Variants in PSAT1 observed in about 807,000 individuals in gnomAD.
The protein encoded by PSAT1 is phosphoserine aminotransferase.
PSAT1 carries 41 observed loss-of-function variants against 40.3 expected under a neutral mutation model. The ratio of observed to expected loss-of-function variants is 1.02; its 90% CI spans 0.79 to 1.32. The LOEUF is 1.32. PSAT1 is among the 40% of genes most tolerant of loss of function. PSAT1 has a pLI of 0.00. For missense variants in PSAT1, 406 were observed against 455.8 expected, an observed-to-expected ratio of 0.89 and a Z score of 0.99; for synonymous variants, 147 against 170.5, an observed-to-expected ratio of 0.86 and a Z score of 1.07.
At chr9:78,320,906 A>G (rs893133262) in intron 7 of PSAT1, among the ~76,000 whole-genome samples, 1 of 152,164 alleles carries the variant, frequency 6.6e-6, no homozygotes, top group Admixed American at 6.5e-5. Flanking sequence ...ATGTGTAGAC[A>G]TGATGTTAGA....
rs1828370083 is a variant in PSAT1, at chr9:78,317,768, T to C, written c.833T>C (p.Ile278Thr). The change falls in exon 7 of 9, where the codon ATT (isoleucine) becomes ACT (threonine). Residue 278 changes from isoleucine (I) to threonine (T), a missense_variant. Transcript: ENST00000376588. Reference sequence around the variant, plus strand: ...CTTAGCTCCATCAAATCTCAAACAATTTATGAGATTATTGATAATTCTCAA... The same window carrying C: ...CTTAGCTCCATCAAATCTCAAACAACTTATGAGATTATTGATAATTCTCAA... ...EKLSSIKSQT[I>T]YEIIDNSQGF... 2 of 1,613,232 alleles carry C rather than the reference T, an allele frequency of 1.2e-6. No homozygotes were observed. Among genetic ancestry groups the C allele is most frequent in the South Asian group, 1.1e-5 (1 of 91,040 alleles).
At position 78,329,468 on chromosome 9, in the gene PSAT1, G is replaced by A; in HGVS notation, c.*382G>A. On this transcript the variant is annotated 3_prime_UTR_variant, in exon 9 of 9. Transcript: ENST00000376588. Reference sequence around the variant, plus strand: ...GCACAGAGGGTAGGGGGGCCCTCTAGGTGCTGAATCTACACATCTGTGGGG... The same window carrying A: ...GCACAGAGGGTAGGGGGGCCCTCTAAGTGCTGAATCTACACATCTGTGGGG... 1 of 268,942 alleles carries A rather than the reference G, an allele frequency of 3.7e-6. No homozygotes were observed. Among genetic ancestry groups the A allele is most frequent in the Non-Finnish European group, 7.2e-6 (1 of 138,058 alleles). The allele number at this position is 268,942 out of a possible 1,614,324, so 16.7% of individuals were successfully genotyped here.
chr9:78,319,130 C>T (rs1828391526), intron 7 of PSAT1, among the ~76,000 whole-genome samples: 1 of 151,580 alleles, frequency 6.6e-6, no homozygotes, highest in Non-Finnish European at 1.5e-5. Context: ...TGGAAATTTG[C>T]CCTCTCTCAG....
chr9:78,310,740 T>C, intron 6 of PSAT1, among the ~76,000 whole-genome samples: 1 of 152,076 alleles, frequency 6.6e-6, no homozygotes, highest in East Asian at 1.9e-4. Flanking sequence ...CCCGAGTAGC[T>C]GGGAGTACAG....
chr9:78,325,203 T>G (rs1268699056), intron 7 of PSAT1, among the ~76,000 whole-genome samples: 1 of 152,070 alleles, frequency 6.6e-6, no homozygotes, highest in Non-Finnish European at 1.5e-5. Flanking sequence ...AAAAATGATT[T>G]TGGTCATCAA....
chr9:78,309,363 TTTG>T (rs1294571640), intron 6 of PSAT1, among the ~76,000 whole-genome samples: 18 of 152,272 alleles, frequency 1.2e-4, no homozygotes, highest in Admixed American at 4.6e-4. Context: ...CTTTCTGGGT[TTTG>T]TTGTTGTTGT....
intron 7 of PSAT1, among the ~76,000 whole-genome samples, chr9:78,326,955 A>ATTTTTTT (rs1554688170): frequency 9.2e-5 from 7 of 75,960 alleles, no homozygotes; most frequent in African/African-American, 6.6e-4. Flanking sequence ...ATATATATAT[A>ATTTTTTT]TTTTTTTTTT....
Position 78,328,010 on chromosome 9 carries a change from C to T in PSAT1, c.870-41C>T. ...GTTGATTTGTTTATGACAACCCATA[C>T]ATTTCAGAAAAGTAGCTGGAATAAT... On this transcript the variant is annotated intron_variant, in intron 7 of 8. Coordinates refer to ENST00000376588, the MANE Select transcript of PSAT1 (RefSeq NM_058179.4). 2.5e-6 allele frequency: 4 copies of T among 1,595,766 alleles called. No individual in the cohort carries two copies. In the African/African-American group the frequency reaches 4.0e-5, roughly 16 times the overall value.
chr9:78,319,014 A>G (rs888643283), intron 7 of PSAT1, among the ~76,000 whole-genome samples: 8 of 152,152 alleles, frequency 5.3e-5, no homozygotes, highest in Non-Finnish European at 1.0e-4. Flanking sequence ...GCGCCTACAC[A>G]TATACATAAA....
chr9:78,299,793 G>A (rs1016604644), intron 1 of PSAT1, among the ~76,000 whole-genome samples: 2 of 152,060 alleles, frequency 1.3e-5, no homozygotes, highest in Non-Finnish European at 2.9e-5. Flanking sequence ...TTACAGGCGT[G>A]AGCCACCACG....
intron 7 of PSAT1, among the ~76,000 whole-genome samples, chr9:78,319,688 A>G (rs1828398908): frequency 6.6e-6 from 1 of 152,098 alleles, no homozygotes; most frequent in African/African-American, 2.4e-5. Context: ...GGTTGGAGTG[A>G]AGAGAGGGCT....
At chr9:78,306,243 GT>G (rs1828180834) in intron 4 of PSAT1, 70 bp from the exon 5 acceptor site, 1 of 1,543,744 alleles carries the variant, frequency 6.5e-7, no homozygotes, top group African/African-American at 1.4e-5. Context: ...CAGTCTCCTG[GT>G]TGACTCCCAT....
At chr9:78,314,074 A>AAAAATTTAGAATTT (rs1451729665) in intron 6 of PSAT1, among the ~76,000 whole-genome samples, 2 of 152,268 alleles carry the variant, frequency 1.3e-5, no homozygotes, top group African/African-American at 4.8e-5. Context: ...AAATGAAGGC[A>AAAAATTTAGAATTT]TAAGTCTTAA....
chr9:78,300,798 C>T (rs1036649683), intron 2 of PSAT1, 136 bp downstream of exon 2: 1 of 1,364,016 alleles, frequency 7.3e-7, no homozygotes, highest in African/African-American at 1.5e-5. Flanking sequence ...TCACTGCAGC[C>T]TCCAACTCCT....
chr9:78,316,944 A>T (rs1352904050), intron 6 of PSAT1, among the ~76,000 whole-genome samples: 1 of 143,920 alleles, frequency 6.9e-6, no homozygotes. Flanking sequence ...GCAAGTGGAA[A>T]AAAACTATGC....
intron 2 of PSAT1, 99 bp from the exon 3 acceptor site, chr9:78,301,855 T>C (rs1828111718): frequency 7.8e-6 from 7 of 902,370 alleles, no homozygotes; most frequent in Admixed American, 7.6e-5. Flanking sequence ...AACTGAAATT[T>C]CCCTGTATTG....
At chr9:78,325,736 C>G (rs1431305422) in intron 7 of PSAT1, among the ~76,000 whole-genome samples, 1 of 152,156 alleles carries the variant, frequency 6.6e-6, no homozygotes, top group East Asian at 1.9e-4. Context: ...TTTTTTCTCC[C>G]CCCAGCCCCA....
intron 5 of PSAT1, 54 bp from the exon 6 acceptor site, chr9:78,308,360 A>G (rs775566614): frequency 3.8e-6 from 6 of 1,580,142 alleles, no homozygotes; most frequent in Non-Finnish European, 5.2e-6. Context: ...GTTTGCATAC[A>G]TGTATGAAAA....
intron 7 of PSAT1, 119 bp from the exon 8 acceptor site, chr9:78,327,932 T>C: frequency 8.5e-7 from 1 of 1,169,800 alleles, no homozygotes; most frequent in Non-Finnish European, 1.2e-6. Context: ...TTGTTTTTTG[T>C]TTTTTAAAAA....
Sources: gnomAD v4.1 joint callset for allele counts (sites outside exome capture counted in the v4.1 genomes callset) on GRCh38, gnomAD v4.1.1 for gene constraint, MANE v1.5 for transcripts, NCBI Gene and HGNC (gene_info 2026-07-23, HGNC 2026-07-21) for gene names.